The following PIK3R3 variants were observed in gnomAD, a reference collection of about 807,000 sequenced individuals.
PIK3R3 encodes the protein phosphoinositide-3-kinase regulatory subunit 3, also known as phosphatidylinositol 3-kinase regulatory subunit gamma.
Under a neutral mutation model 62.9 loss-of-function variants are expected in PIK3R3, and 64 were observed. That is an observed-to-expected ratio of 1.02 (90% CI 0.83 to 1.25). The LOEUF (loss-of-function observed/expected upper bound fraction) is 1.25, where lower values mean the gene tolerates loss of function less well. PIK3R3 is among the 50% of genes most tolerant of loss of function. PIK3R3 has a pLI of 0.00. For synonymous variants in PIK3R3, 165 were observed against 189.0 expected, an observed-to-expected ratio of 0.87 and a Z score of 1.04; for missense variants, 614 against 561.6, an observed-to-expected ratio of 1.09 and a Z score of -0.94.
the PIK3R3 span, among the ~76,000 whole-genome samples, chr1:46,139,636 C>G: frequency 6.6e-6 from 1 of 152,118 alleles, no homozygotes; most frequent in African/African-American, 2.4e-5. Flanking sequence ...CGGACTAACT[C>G]TCCCTAAGAC....
chr1:46,106,923 G>A (rs537803007), intron 1 of PIK3R3, among the ~76,000 whole-genome samples: 24 of 152,098 alleles, frequency 1.6e-4, no homozygotes, highest in Middle Eastern at 3.4e-3. Context: ...TTACAAGCAC[G>A]TGCAACCACG....
intron 1 of PIK3R3, among the ~76,000 whole-genome samples, chr1:46,110,988 T>TA (rs1359634707): frequency 6.6e-6 from 1 of 152,052 alleles, no homozygotes; most frequent in Non-Finnish European, 1.5e-5. Flanking sequence ...ATCCTGATCT[T>TA]AGAGCCAAAC....
intron 3 of PIK3R3, 21 bp downstream of exon 3, chr1:46,077,494 A>T: frequency 7.2e-7 from 1 of 1,380,910 alleles, no homozygotes; most frequent in African/African-American, 1.4e-5. Context: ...AGAACTAGCC[A>T]AAAGACTGAA....
upstream of PIK3R3, among the ~76,000 whole-genome samples, chr1:46,136,961 G>C (rs898957878): frequency 2.3e-4 from 35 of 152,184 alleles, no homozygotes; most frequent in African/African-American, 8.4e-4. Context: ...CAGGAGGACA[G>C]GGCACAAACA....
chr1:46,110,350 G>A (rs1043960462), intron 1 of PIK3R3, among the ~76,000 whole-genome samples: 30 of 143,594 alleles, frequency 2.1e-4, no homozygotes, highest in Non-Finnish European at 2.8e-4. Flanking sequence ...TCGAACTCCT[G>A]ACCTCAAGTT....
chr1:46,067,599 T>C (rs546547813), intron 3 of PIK3R3, among the ~76,000 whole-genome samples: 16 of 152,190 alleles, frequency 1.1e-4, no homozygotes, highest in Non-Finnish European at 1.8e-4. Flanking sequence ...CAAGGTTTTG[T>C]TGTTAATGCA....
chr1:46,128,766 A>T (rs1380633242), intron 1 of PIK3R3, among the ~76,000 whole-genome samples: 1 of 152,222 alleles, frequency 6.6e-6, no homozygotes, highest in Non-Finnish European at 1.5e-5. Flanking sequence ...GACAGAATGG[A>T]AAAAATTTCA....
In PIK3R3 at chr1:46,132,159, T is replaced by C; in HGVS notation, c.-207A>G. 2 of 1,343,910 alleles carry C rather than the reference T, an allele frequency of 1.5e-6. No individual in the cohort carries two copies. Among genetic ancestry groups the C allele is most frequent in the Non-Finnish European group, 1.9e-6 (2 of 1,045,732 alleles). The allele number at this position is 1,343,910 out of a possible 1,614,324, so 83.2% of individuals were successfully genotyped here. ...GAACACAACAAAATGCCCCCGAACT[T>C]TCAAGCTATGGGCTTTTCTCCTCAG... On this transcript the variant is annotated 5_prime_UTR_variant, in exon 1 of 10. Transcript: ENST00000262741.
intron 1 of PIK3R3, among the ~76,000 whole-genome samples, chr1:46,090,877 CT>C (rs1238453417): frequency 3.3e-5 from 5 of 152,170 alleles, no homozygotes; most frequent in Admixed American, 6.5e-5. Flanking sequence ...AGTATTTATA[CT>C]TTGGAAATCA....
intron 5 of PIK3R3, among the ~76,000 whole-genome samples, chr1:46,065,758 A>C (rs1397588362): frequency 6.6e-6 from 1 of 152,238 alleles, no homozygotes; most frequent in African/African-American, 2.4e-5. Context: ...AGTTCTGAGG[A>C]TGGTGGAGTT....
At chr1:46,049,418 G>A (rs1397051059) in intron 7 of PIK3R3, among the ~76,000 whole-genome samples, 3 of 152,228 alleles carry the variant, frequency 2.0e-5, no homozygotes, top group African/African-American at 7.2e-5. Flanking sequence ...TGAAGCTGAC[G>A]CCTTCGTCCT....
At chr1:46,168,757 C>G in the PIK3R3 span, among the ~76,000 whole-genome samples, 1 of 152,204 alleles carries the variant, frequency 6.6e-6, no homozygotes, top group Admixed American at 6.5e-5. Flanking sequence ...GCCCCTGGCT[C>G]TGGAGGCCTG....
At chr1:46,151,605 A>C in the PIK3R3 span, among the ~76,000 whole-genome samples, 1 of 152,184 alleles carries the variant, frequency 6.6e-6, no homozygotes, top group African/African-American at 2.4e-5. Flanking sequence ...AGACAGATCA[A>C]GCTCTAGGCC....
rs1648473531 is a variant in PIK3R3, at chr1:46,061,465, T to C, written c.764+464A>G. ...ATTCTCAGACTGCTGCCAAAGTTGA[T>C]ATTCAATTCAAAAAAATATTCGATG... On this transcript the variant is annotated intron_variant, in intron 6 of 9. Transcript: ENST00000262741. Among the ~76,000 whole-genome samples the C allele has an allele frequency of 3.3e-5, 5 of 152,208 alleles. No individual in the cohort carries two copies. In the South Asian group the frequency reaches 1.0e-3, roughly 32 times the overall value.
intron 1 of PIK3R3, among the ~76,000 whole-genome samples, chr1:46,122,266 T>TA (rs1654742317): frequency 6.6e-6 from 1 of 152,188 alleles, no homozygotes; most frequent in African/African-American, 2.4e-5. Context: ...AGTCAAGTCT[T>TA]ACACACAGTA....
At chr1:46,098,394 C>A (rs1313538793) in intron 1 of PIK3R3, among the ~76,000 whole-genome samples, 1 of 152,162 alleles carries the variant, frequency 6.6e-6, no homozygotes, top group Non-Finnish European at 1.5e-5. Context: ...TGAAAACTTG[C>A]AATGAATGTT....
chr1:46,093,131 C>G (rs1356899249), intron 1 of PIK3R3, among the ~76,000 whole-genome samples: 11 of 152,096 alleles, frequency 7.2e-5, no homozygotes, highest in African/African-American at 2.7e-4. Context: ...TATGTAGAAC[C>G]AAAAACGGCA....
chr1:46,090,988 T>C (rs1651576095), intron 1 of PIK3R3, among the ~76,000 whole-genome samples: 1 of 152,030 alleles, frequency 6.6e-6, no homozygotes, highest in African/African-American at 2.4e-5. Flanking sequence ...GTGCAAAAAA[T>C]AGTTTTTACT....
intron 1 of PIK3R3, among the ~76,000 whole-genome samples, chr1:46,124,478 T>A: frequency 6.6e-6 from 1 of 152,214 alleles, no homozygotes. Flanking sequence ...TCCTATCTTT[T>A]CTACATTCTA....
Sources: gnomAD v4.1 joint callset for allele counts (sites outside exome capture counted in the v4.1 genomes callset) on GRCh38, gnomAD v4.1.1 for gene constraint, MANE v1.5 for transcripts, NCBI Gene and HGNC (gene_info 2026-07-23, HGNC 2026-07-21) for gene names.